TULP4: variants seen among roughly 807,000 people sequenced by gnomAD.
The protein encoded by TULP4 is tubby-related protein 4.
Under a neutral mutation model 129.0 loss-of-function variants are expected in TULP4, and 16 were observed. The ratio of observed to expected loss-of-function variants is 0.12; its 90% CI spans 0.08 to 0.19. The LOEUF (loss-of-function observed/expected upper bound fraction) is 0.19. Among genes scored for constraint, TULP4 ranks in the 10% least tolerant of loss-of-function variants. The pLI is 1.00. For synonymous variants in TULP4, 998 were observed against 854.0 expected (o/e 1.17, Z -2.94); for missense variants, 1,842 against 2,059.1 (o/e 0.89, Z 2.04).
At chr6:158,323,582 A>G (rs534502340) in intron 1 of TULP4, among the ~76,000 whole-genome samples, 3 of 152,050 alleles carry the variant, frequency 2.0e-5, no homozygotes, top group Non-Finnish European at 4.4e-5. Context: ...TAGGTATTCC[A>G]TTACAGGAGG....
chr6:158,486,213 AG>A (rs1183338398), intron 8 of TULP4, among the ~76,000 whole-genome samples: 1 of 152,060 alleles, frequency 6.6e-6, no homozygotes, highest in Non-Finnish European at 1.5e-5. Flanking sequence ...TAGGACTTAC[AG>A]GGGGGAGTTA....
At chr6:158,302,441 T>C (rs1001263595) in intron 1 of TULP4, among the ~76,000 whole-genome samples, 2 of 152,228 alleles carry the variant, frequency 1.3e-5, no homozygotes, top group African/African-American at 2.4e-5. Context: ...TAATGGCCCT[T>C]AAATCAGTTA....
chr6:158,498,214 A>G (rs529993422), intron 11 of TULP4, among the ~76,000 whole-genome samples: 1 of 152,276 alleles, frequency 6.6e-6, no homozygotes, highest in African/African-American at 2.4e-5. Flanking sequence ...TGCCACCCCC[A>G]TCTCAACATT....
At chr6:158,449,366 C>A (rs1779119338) in intron 4 of TULP4, among the ~76,000 whole-genome samples, 190 bp downstream of exon 4, 2 of 152,162 alleles carry the variant, frequency 1.3e-5, no homozygotes, top group African/African-American at 4.8e-5. Context: ...TGTCTCCCCG[C>A]TGTTGTCCCT....
In TULP4 at chr6:158,414,190, G is replaced by A. The variant is rs181852565; in HGVS notation, c.381+997G>A. ...CAGCATTTTTTTCTGAGTTGATTTG[G>A]TAGAGTAAATGTAATAATATTGACT... On this transcript the variant is annotated intron_variant, in intron 2 of 13. Coordinates refer to ENST00000367097, the MANE Select transcript of TULP4 (RefSeq NM_020245.5). 1.6e-4 allele frequency among the ~76,000 whole-genome samples: 24 copies of A among 152,322 alleles called. 1 individual carries two copies. The East Asian group carries it at 4.6e-3, about 29-fold the overall frequency.
At chr6:158,385,843 T>C (rs1777431860) in intron 1 of TULP4, among the ~76,000 whole-genome samples, 1 of 59,664 alleles carries the variant, frequency 1.7e-5, no homozygotes, top group Admixed American at 1.6e-4. Flanking sequence ...GTGGAATATC[T>C]TTTTTTTTTT....
chr6:158,480,768 T>C (rs1200601214), intron 7 of TULP4, among the ~76,000 whole-genome samples: 1 of 152,178 alleles, frequency 6.6e-6, no homozygotes, highest in African/African-American at 2.4e-5. Context: ...TATATAGCAT[T>C]GGAAAATACA....
chr6:158,480,489 G>A (rs936648492), intron 7 of TULP4, among the ~76,000 whole-genome samples: 19 of 152,348 alleles, frequency 1.2e-4, no homozygotes, highest in African/African-American at 4.1e-4. Context: ...AGCACTCAGC[G>A]TCAGCCACCT....
rs1427738325 is a variant in TULP4, at chr6:158,493,599, C to A, written c.1658C>A (p.Pro553His). The change falls in exon 10 of 14, where the codon CCC (proline) becomes CAC (histidine). Residue 553 changes from proline (P) to histidine (H), a missense_variant. Transcript: ENST00000367097. The surrounding 1 kb of genome is among the most constrained non-coding windows in gnomAD (Gnocchi z 4.4). ...ATCAGCATTGAGGCCCGCAAGTCAC[C>A]CAAGCTGCCCCGGGCTGCTCAGGAG... Reference protein sequence around the residue: ...PRISIEARKSPKLPRAAQELS... With the variant: ...PRISIEARKSHKLPRAAQELS... The A allele has an allele frequency of 6.4e-7, 1 of 1,558,578 alleles. No homozygotes were observed.
chr6:158,232,271 A>AGCCGCTGGGGCT (rs1008378384), exon 1 of TULP4: 2 of 147,500 alleles, frequency 1.4e-5, no homozygotes, highest in African/African-American at 4.9e-5. Context: ...GGCACGGAGG[A>AGCCGCTGGGGCT]GCCGCTGGGG....
chr6:158,340,090 G>T (rs1351525426), intron 1 of TULP4, among the ~76,000 whole-genome samples: 1 of 152,194 alleles, frequency 6.6e-6, no homozygotes, highest in Non-Finnish European at 1.5e-5. Flanking sequence ...ATCTGCTCGT[G>T]CAAGGTGAGT....
chr6:158,310,186 A>G (rs1185325846), upstream of TULP4, among the ~76,000 whole-genome samples: 1 of 152,136 alleles, frequency 6.6e-6, no homozygotes, highest in African/African-American at 2.4e-5. Context: ...TGCAGGCTTT[A>G]CAGGAAGCAT....
chr6:158,260,634 A>T (rs1038120707), intron 1 of TULP4, among the ~76,000 whole-genome samples: 4 of 151,396 alleles, frequency 2.6e-5, no homozygotes, highest in Non-Finnish European at 5.9e-5. Context: ...ATGACAGTTG[A>T]TGCTGAAGGA....
Position 158,504,034 on chromosome 6 carries a change from G to A in TULP4, c.4371G>A (p.Arg1457=), listed in dbSNP as rs574754942. ...CRRASEKEDG[R]LGSQGFVYVM... is the part of the protein sequence containing the mutation. ...GGGCCAGTGAGAAGGAGGACGGGCGGCTGGGCAGCCAAGGCTTCGTGTACG... is the reference window on the plus strand; with the variant it reads ...GGGCCAGTGAGAAGGAGGACGGGCGACTGGGCAGCCAAGGCTTCGTGTACG... Residue 1457 remains arginine, a synonymous_variant, in exon 13 of 14, where the codon CGG becomes CGA. Transcript: ENST00000367097. 7.5e-6 allele frequency: 12 copies of A among 1,610,478 alleles called. No homozygotes were observed. The highest frequency in any genetic ancestry group is 5.3e-5 in the African/African-American group (4 of 74,858).
At chr6:158,465,029 ATTGCTACGAAGAGTCAGT>A (rs1401054170) in intron 6 of TULP4, among the ~76,000 whole-genome samples, 24 of 152,192 alleles carry the variant, frequency 1.6e-4, no homozygotes, top group Non-Finnish European at 2.6e-4. Flanking sequence ...TTGGTATCTT[ATTGCTACGAAGAGTCAGT>A]TTTATCAGTC....
intron 1 of TULP4, among the ~76,000 whole-genome samples, chr6:158,332,175 AAAAAAAAAAAAAAAAAAAAAAAAAAATAT>A: frequency 1.6e-5 from 1 of 61,120 alleles, no homozygotes; most frequent in Admixed American, 1.5e-4. Context: ...CTGTCAAAAA[AAAAAAAAAAAAAAAAAAAAAAAAAAATAT>A]ATATATATAT....
rs541051866 is a variant in TULP4 at position 158,306,487 on chromosome 6, C to T, written n.117-5564C>T. Among the ~76,000 whole-genome samples, 11 of 152,200 alleles carry T rather than the reference C, an allele frequency of 7.2e-5. No homozygotes were observed. In the East Asian group the frequency reaches 9.7e-4, roughly 13 times the overall value. Reference sequence around the variant, plus strand: ...GTGGAAGGATTGCTTGAGCCTAGTTCGAGGGAGGTTGCAGTGAGCCAAGAT... The same window carrying T: ...GTGGAAGGATTGCTTGAGCCTAGTTTGAGGGAGGTTGCAGTGAGCCAAGAT... On this transcript the variant is annotated intron_variant and non_coding_transcript_variant, in intron 1 of 1. Coordinates refer to the TULP4 transcript ENST00000432358.
chr6:158,335,189 A>T (rs1780003916), intron 1 of TULP4, among the ~76,000 whole-genome samples: 1 of 151,790 alleles, frequency 6.6e-6, no homozygotes, highest in Non-Finnish European at 1.5e-5. Flanking sequence ...AGGAAGGAGA[A>T]TCACTTGAAC....
At chr6:158,235,481 G>A (rs1361145833) in intron 1 of TULP4, among the ~76,000 whole-genome samples, 2 of 152,154 alleles carry the variant, frequency 1.3e-5, no homozygotes, top group Admixed American at 6.5e-5. Context: ...GTTCATCCAT[G>A]TTATAGCATG....
Sources: gnomAD v4.1 joint callset for allele counts (sites outside exome capture counted in the v4.1 genomes callset) on GRCh38, gnomAD v4.1.1 for gene constraint, Gnocchi (gnomAD v3.1) non-coding constraint, MANE v1.5 for transcripts, NCBI Gene and HGNC (gene_info 2026-07-23, HGNC 2026-07-21) for gene names.